Variants in PRKAA1 observed in about 807,000 individuals in gnomAD.
PRKAA1 encodes the protein 5'-AMP-activated protein kinase catalytic subunit alpha-1.
PRKAA1 carries 23 observed loss-of-function variants against 56.9 expected under a neutral mutation model. That is an observed-to-expected ratio of 0.40 (90% CI 0.29 to 0.57). The LOEUF (loss-of-function observed/expected upper bound fraction) is 0.57. PRKAA1 is among the 20% of genes least tolerant of loss of function. The probability of loss-of-function intolerance (pLI) is 0.39; values close to 1 mark genes in which losing one functional copy is unlikely to be tolerated. For synonymous variants in PRKAA1, 226 were observed against 227.0 expected (o/e 1.00, Z 0.04); for missense variants, 413 against 679.7 (o/e 0.61, Z 4.36).
chr5:40,780,753 G>C (rs906672126), intron 1 of PRKAA1, among the ~76,000 whole-genome samples: 8 of 152,164 alleles, frequency 5.3e-5, no homozygotes, highest in African/African-American at 1.9e-4. Context: ...CTCTCAGAAA[G>C]GCAACAATTT....
chr5:40,775,541 CAT>C, intron 2 of PRKAA1, 38 bp from the exon 3 acceptor site: 1 of 1,391,138 alleles, frequency 7.2e-7, no homozygotes. Context: ...TATTAAAACA[CAT>C]ATATTCATTC....
chr5:40,762,231 C>CA lies in PRKAA1; in HGVS notation c.*546dup, dbSNP rs1348454221. 1.3e-5 allele frequency: 2 copies of CA among 155,060 alleles called. No homozygotes were observed. Among genetic ancestry groups the CA allele is most frequent in the East Asian group, 3.8e-4 (2 of 5,288 alleles). 9.6% of individuals were successfully genotyped at this position (155,060 alleles called of 1,614,324 possible). A position where few individuals can be genotyped will look rare whatever the true frequency, so the allele number is the denominator to read the frequency against. Reference sequence around the variant, plus strand: ...AGGTTGCAGTGAGCCGAGACCACACCATTGCACTCCAGCCTGGGTGACAAA... The same window carrying CA: ...AGGTTGCAGTGAGCCGAGACCACACCAATTGCACTCCAGCCTGGGTGACAAA... On this transcript the variant is annotated 3_prime_UTR_variant, in exon 9 of 9. Coordinates refer to ENST00000397128, the MANE Select transcript of PRKAA1 (RefSeq NM_006251.6).
rs187433839 is a variant in PRKAA1 at position 40,781,411 on chromosome 5, G to T, written c.128-3825C>A. On this transcript the variant is annotated intron_variant, in intron 1 of 8. Coordinates refer to ENST00000397128, the MANE Select transcript of PRKAA1 (RefSeq NM_006251.6). ...ATCAGGAAGAAACCCAAGAAAGATG[G>T]CATGGAATCCAGCAAAGAAGGGATC... Among the ~76,000 whole-genome samples the T allele has an allele frequency of 4.2e-3, 640 of 152,190 alleles. 4 individuals carry two copies. Among genetic ancestry groups the T allele is most frequent in the African/African-American group, 0.015 (613 of 41,528 alleles).
At chr5:40,788,582 C>T (rs910254512) in intron 1 of PRKAA1, among the ~76,000 whole-genome samples, 15 of 152,124 alleles carry the variant, frequency 9.9e-5, no homozygotes, top group African/African-American at 3.6e-4. Context: ...GTAATCCCAA[C>T]ACTTTGGCAG....
In PRKAA1 at chr5:40,762,946, T is replaced by C. The variant is rs1743259898; in HGVS notation, c.1512A>G (p.Gln504=). The C allele has an allele frequency of 1.9e-6, 3 of 1,614,168 alleles. No homozygotes were observed. The highest frequency in any genetic ancestry group is 2.2e-5 in the South Asian group (2 of 91,084). The change falls in exon 9 of 9, where the codon CAA becomes CAG. Residue 504 remains glutamine, a synonymous_variant. Transcript: ENST00000397128. ...GAGCCTCAGCATCTGAATCACTCCT[T>C]TGGCAAGATCGATAGTTGCTAACTG... ...SGSVSNYRSC[Q]RSDSDAEAQG...
chr5:40,791,028 C>T (rs1185377147), intron 1 of PRKAA1, among the ~76,000 whole-genome samples: 1 of 152,134 alleles, frequency 6.6e-6, no homozygotes, highest in Non-Finnish European at 1.5e-5. Context: ...TTCCGACTCC[C>T]AAGTCTTTTG....
intron 1 of PRKAA1, among the ~76,000 whole-genome samples, chr5:40,786,179 CA>C (rs1273577758): frequency 6.6e-6 from 1 of 151,232 alleles, no homozygotes; most frequent in Non-Finnish European, 1.5e-5. Flanking sequence ...CACTTGAACC[CA>C]GGAGGCGGAG....
intron 3 of PRKAA1, among the ~76,000 whole-genome samples, chr5:40,774,268 A>C (rs2112025985): frequency 6.6e-6 from 1 of 152,348 alleles, no homozygotes; most frequent in South Asian, 2.1e-4. Context: ...TGCAGAGAGC[A>C]CAGAAGGTAC....
chr5:40,768,276 T>A, intron 5 of PRKAA1: 3 of 303,470 alleles, frequency 9.9e-6, no homozygotes, highest in Non-Finnish European at 1.5e-5. Flanking sequence ...GCTGAACTGA[T>A]CGATAAATAT....
intron 1 of PRKAA1, among the ~76,000 whole-genome samples, chr5:40,781,923 T>A (rs1744281182): frequency 6.6e-6 from 1 of 152,168 alleles, no homozygotes; most frequent in Non-Finnish European, 1.5e-5. Context: ...ACTAATTAGA[T>A]GTGATTAAGA....
Position 40,767,494 on chromosome 5 carries a change from T to A in PRKAA1, c.793A>T (p.Met265Leu), listed in dbSNP as rs959082384. The A allele has an allele frequency of 1.9e-6, 3 of 1,613,312 alleles. No homozygotes were observed. The highest frequency in any genetic ancestry group is 2.5e-6 in the Non-Finnish European group (3 of 1,179,332). Residue 265 changes from methionine (M) to leucine (L), a missense_variant, in exon 6 of 9, where the codon ATG becomes TTG. Physicochemically the swap from Met to Leu is conservative, Grantham distance 15. Around this residue, in one of 9 missense-constraint regions of PRKAA1, gnomAD observed 113 missense variants for 198.6 expected, o/e 0.57. Transcript: ENST00000397128. ...LLKHMLQVDP[M>L]KRATIKDIRE... is the part of the protein sequence containing the mutation. The stretch of plus-strand genomic sequence containing the variant: ...ATATCTTTGATTGTGGCCCTCTTCA[T>A]GGGATCCACCTGCAGCATATGTTTC...
intron 2 of PRKAA1, among the ~76,000 whole-genome samples, chr5:40,775,851 C>A (rs80134261): frequency 7.9e-5 from 12 of 151,842 alleles, no homozygotes; most frequent in African/African-American, 2.7e-4. Context: ...AGGAGGAAAG[C>A]GAAACTGGGA....
chr5:40,785,753 A>G (rs1268106983), intron 1 of PRKAA1, among the ~76,000 whole-genome samples: 5 of 151,968 alleles, frequency 3.3e-5, no homozygotes, highest in Non-Finnish European at 7.4e-5. Flanking sequence ...AAGGATTTGA[A>G]GATGAAATCT....
At chr5:40,788,438 G>A (rs946528213) in intron 1 of PRKAA1, among the ~76,000 whole-genome samples, 4 of 152,166 alleles carry the variant, frequency 2.6e-5, no homozygotes, top group African/African-American at 9.7e-5. Flanking sequence ...GAAGCTCCAT[G>A]ACACAGGTTT....
Position 40,793,829 on chromosome 5 carries a change from G to A in PRKAA1, c.127+4234C>T, listed in dbSNP as rs768634972. ...TAGAAGATGTCTCCCAGCCCAGCACGGTGGTTCAGGCCTGTAATCCCAGCA... is the reference window on the plus strand; with the variant it reads ...TAGAAGATGTCTCCCAGCCCAGCACAGTGGTTCAGGCCTGTAATCCCAGCA... On this transcript the variant is annotated intron_variant, in intron 1 of 8. Transcript: ENST00000397128. 3.9e-5 allele frequency among the ~76,000 whole-genome samples: 6 copies of A among 152,224 alleles called. No individual in the cohort carries two copies. In the East Asian group the frequency reaches 1.2e-3, roughly 29 times the overall value.
rs369112379 is a variant in PRKAA1, at chr5:40,762,889, T to G, written c.1569A>C (p.Ser523=). The G allele has an allele frequency of 3.0e-5, 48 of 1,614,098 alleles. No homozygotes were observed. The African/African-American group carries it at 3.3e-4, about 11-fold the overall frequency. The change falls in exon 9 of 9, where the codon TCA becomes TCC. Residue 523 remains serine, a synonymous_variant. Transcript: ENST00000397128. ...GAGAAGAGTCAAGTGAGGTCACAGA[T>G]GAGGTAAGAGAAACTTCTGAGGATT... is the stretch of plus-strand genomic sequence containing the variant. ...QGKSSEVSLT[S]SVTSLDSSPV...
At position 40,785,993 on chromosome 5, in the gene PRKAA1, G is replaced by A. The variant is rs1266799965; in HGVS notation, c.128-8407C>T. ...AAGAGGGCTGGGCACGGTGGCTCAC[G>A]CCTGTAATCCCAGCACTTTGGGAGG... is the stretch of plus-strand genomic sequence containing the variant. On this transcript the variant is annotated intron_variant, in intron 1 of 8. Coordinates refer to ENST00000397128, the MANE Select transcript of PRKAA1 (RefSeq NM_006251.6). Among the ~76,000 whole-genome samples the A allele has an allele frequency of 3.3e-5, 5 of 152,228 alleles. 1 individual carries two copies. The South Asian group carries it at 8.3e-4, about 25-fold the overall frequency.
chr5:40,769,273 T>C (rs1316620426), intron 5 of PRKAA1, 143 bp downstream of exon 5: 2 of 660,798 alleles, frequency 3.0e-6, no homozygotes, highest in East Asian at 2.8e-5. Context: ...TCCTTAACCC[T>C]CATTCACATA....
At position 40,760,976 on chromosome 5, in the gene PRKAA1, GACT is replaced by G. The variant is rs1407402819; in HGVS notation, c.*1799_*1801del. ...ACACGATACCAATTTTATCTGAGGT[GACT>G]ACATCTTCATTTACATCTATTGTGT... On this transcript the variant is annotated 3_prime_UTR_variant, in exon 9 of 9. Transcript: ENST00000397128. 1 of 152,130 alleles carries G rather than the reference GACT, an allele frequency of 6.6e-6. No homozygotes were observed. Among genetic ancestry groups the G allele is most frequent in the Non-Finnish European group, 1.5e-5 (1 of 67,962 alleles). 9.4% of individuals were successfully genotyped at this position (152,130 alleles called of 1,614,324 possible).
Sources: allele counts gnomAD v4.1 joint callset (sites outside exome capture counted in the v4.1 genomes callset), GRCh38; gene constraint gnomAD v4.1.1; regional missense constraint gnomAD v4.1.1; transcripts MANE v1.5; gene names NCBI Gene and HGNC (gene_info 2026-07-23, HGNC 2026-07-21).